The following FGF13 variants were observed in gnomAD, a reference collection of about 807,000 sequenced individuals.
FGF13 encodes fibroblast growth factor homologous factor 2.
A neutral mutation model predicts 19.5 loss-of-function variants in FGF13; 2 were observed. That is an observed-to-expected ratio of 0.10 (90% CI 0.04 to 0.32). The LOEUF (loss-of-function observed/expected upper bound fraction) is 0.32. Ranked by LOEUF, FGF13 falls within the 10% of genes least tolerant of loss-of-function variation. FGF13 has a pLI of 1.00. For synonymous variants in FGF13, 72 were observed against 76.9 expected, an observed-to-expected ratio of 0.94 and a Z score of 0.33; for missense variants, 113 against 192.7, an observed-to-expected ratio of 0.59 and a Z score of 2.45.
intron 2 of FGF13, among the ~76,000 whole-genome samples, chrX:138,704,342 A>C (rs1338513546): frequency 9.0e-6 from 1 of 111,557 alleles, no homozygotes. Context: ...ACTGTGAATA[A>C]AAATAAAACA....
intron 1 of FGF13, among the ~76,000 whole-genome samples, chrX:139,013,479 TTATATATATATATATATATA>T (rs202184653): frequency 0.059 from 4,167 of 71,000 alleles, 185 homozygotes; most frequent in Non-Finnish European, 0.07. Context: ...AAAGAAAATT[TTATATATATATATATATATA>T]TATATATATA....
intron 1 of FGF13, among the ~76,000 whole-genome samples, chrX:138,984,573 AAGAAGAAGAAGAAGAAGGAGGAGGAGG>A (rs2091981617): frequency 3.7e-5 from 2 of 53,507 alleles, no homozygotes; most frequent in African/African-American, 1.4e-4. Context: ...GAAGAAGAAG[AAGAAGAAGAAGAAGAAGGAGGAGGAGG>A]AGGAGGAGGA....
intron 1 of FGF13, among the ~76,000 whole-genome samples, chrX:138,886,396 C>T (rs752355770): frequency 5.3e-5 from 6 of 112,214 alleles, no homozygotes; most frequent in South Asian, 3.7e-4. Context: ...TCAATACTTA[C>T]GGAGTCAGTC....
intron 1 of FGF13, among the ~76,000 whole-genome samples, chrX:139,081,139 A>G (rs1347652706): frequency 9.0e-6 from 1 of 110,867 alleles, no homozygotes; most frequent in African/African-American, 3.3e-5. Flanking sequence ...ACGCCCTGCC[A>G]AGCAATCTTT....
intron 1 of FGF13, among the ~76,000 whole-genome samples, chrX:139,084,558 A>C: frequency 9.0e-6 from 1 of 111,546 alleles, no homozygotes; most frequent in Non-Finnish European, 1.9e-5. Context: ...ATCAAGGCCA[A>C]CCGGGACACA....
chrX:138,807,507 T>C (rs1293894562), intron 3 of FGF13, among the ~76,000 whole-genome samples: 6 of 111,852 alleles, frequency 5.4e-5, no homozygotes, highest in Non-Finnish European at 9.4e-5. Context: ...TTGTAAAGAC[T>C]ATCGATGCTA....
At chrX:139,067,159 A>C (rs1351990793) in intron 1 of FGF13, among the ~76,000 whole-genome samples, 1 of 111,897 alleles carries the variant, frequency 8.9e-6, no homozygotes, top group East Asian at 2.8e-4. Context: ...ATTTATGACA[A>C]ACCCACAGCC....
At chrX:139,204,356 C>A (rs899724584), upstream of FGF13, 6 of 286,853 alleles carry the variant, frequency 2.1e-5, no homozygotes, top group Non-Finnish European at 3.6e-5. Context: ...AGCGGCCGGC[C>A]GCGGGAGGAG....
At chrX:138,978,285 T>C (rs2091948578) in intron 1 of FGF13, among the ~76,000 whole-genome samples, 2 of 73,643 alleles carry the variant, frequency 2.7e-5, no homozygotes, top group Non-Finnish European at 5.6e-5. Flanking sequence ...TTTTTTGAGA[T>C]GGAGTCTCGC....
intron 3 of FGF13, among the ~76,000 whole-genome samples, chrX:138,655,144 C>A (rs893302757): frequency 1.8e-5 from 2 of 111,775 alleles, no homozygotes; most frequent in Admixed American, 1.9e-4. Flanking sequence ...TTTGTTAATA[C>A]CCTTATCTAA....
chrX:139,142,178 C>T (rs1247191250), intron 1 of FGF13, among the ~76,000 whole-genome samples: 1 of 111,723 alleles, frequency 9.0e-6, no homozygotes, highest in Non-Finnish European at 1.9e-5. Flanking sequence ...AGCTAGTTTC[C>T]AAAACTCAGT....
At chrX:138,679,815 CAAT>C (rs985192786) in intron 3 of FGF13, among the ~76,000 whole-genome samples, 8 of 111,607 alleles carry the variant, frequency 7.2e-5, no homozygotes, top group Non-Finnish European at 1.3e-4. Context: ...ATTTCTGTGA[CAAT>C]AATGAAGTTT....
chrX:138,808,734 T>C (rs71430708), intron 3 of FGF13, among the ~76,000 whole-genome samples: 1 of 110,759 alleles, frequency 9.0e-6, no homozygotes, highest in Non-Finnish European at 1.9e-5. Context: ...AAGAATCAAA[T>C]AGATGCAATA....
At chrX:138,655,817 G>A (rs768945214) in intron 3 of FGF13, among the ~76,000 whole-genome samples, 1 of 111,779 alleles carries the variant, frequency 8.9e-6, no homozygotes, top group Non-Finnish European at 1.9e-5. Context: ...TAATATTAAC[G>A]CTTTGCATCT....
Position 138,958,109 on chromosome X carries a change from T to A in FGF13, c.-112-93459A>T, listed in dbSNP as rs149057189. On this transcript the variant is annotated intron_variant, in intron 1 of 2. Coordinates refer to the FGF13 transcript ENST00000421460. Reference sequence around the variant, plus strand: ...AGGCCTCCCTGCCTTGTGCCAGTTTTCAAAGGGAATGCTTCCAGTTTTTGC... The same window carrying A: ...AGGCCTCCCTGCCTTGTGCCAGTTTACAAAGGGAATGCTTCCAGTTTTTGC... Among the ~76,000 whole-genome samples the A allele has an allele frequency of 4.6e-3, 513 of 112,068 alleles. 2 individuals are homozygous for A. Among genetic ancestry groups the A allele is most frequent in the African/African-American group, 0.016 (483 of 30,877 alleles).
At chrX:139,152,574 A>C (rs1448741874) in intron 1 of FGF13, among the ~76,000 whole-genome samples, 2 of 111,040 alleles carry the variant, frequency 1.8e-5, no homozygotes, top group East Asian at 5.8e-4. Context: ...TTATTTGTTT[A>C]GAATAAAGCT....
intron 3 of FGF13, among the ~76,000 whole-genome samples, chrX:138,829,979 A>G (rs1285095763): frequency 1.8e-5 from 2 of 112,579 alleles, no homozygotes; most frequent in Non-Finnish European, 3.7e-5. Flanking sequence ...TTGGCCTCCC[A>G]AAGTGCTGGG....
Position 138,746,628 on chromosome X carries a change from C to CA in FGF13, c.218-37701dup, listed in dbSNP as rs201172183. 8.2e-3 allele frequency among the ~76,000 whole-genome samples: 923 copies of CA among 111,981 alleles called. 12 individuals carry two copies. Among genetic ancestry groups the CA allele is most frequent in the African/African-American group, 0.029 (897 of 30,828 alleles). On this transcript the variant is annotated intron_variant, in intron 3 of 6. Transcript: ENST00000436198. Reference sequence around the variant, plus strand: ...AGCAGGGACCCTAGAGCCACAAGGGCATAGACTGGAGTCCTGTGCTCTTCT... The same window carrying CA: ...AGCAGGGACCCTAGAGCCACAAGGGCAATAGACTGGAGTCCTGTGCTCTTCT...
intron 1 of FGF13, among the ~76,000 whole-genome samples, chrX:138,983,162 T>C (rs1243431694): frequency 9.1e-6 from 1 of 110,449 alleles, no homozygotes; most frequent in African/African-American, 3.3e-5. Context: ...GTACTTTTAG[T>C]GTAATATCTA....
Sources: allele counts gnomAD v4.1 joint callset (sites outside exome capture counted in the v4.1 genomes callset), GRCh38; gene constraint gnomAD v4.1.1; transcripts MANE v1.5; gene names NCBI Gene and HGNC (gene_info 2026-07-23, HGNC 2026-07-21).